Variants in ACYP2 observed in about 807,000 individuals in gnomAD.
ACYP2 encodes acylphosphatase-2.
In ACYP2, 12 loss-of-function variants were observed where a neutral mutation model predicts 11.2. The ratio of observed to expected loss-of-function variants is 1.08; its 90% CI spans 0.69 to 1.74. The LOEUF (loss-of-function observed/expected upper bound fraction) is 1.74. Among genes scored for constraint, ACYP2 ranks in the 40% most tolerant of loss-of-function variants. The pLI is 0.00. For synonymous variants in ACYP2, 43 were observed against 32.2 expected, an observed-to-expected ratio of 1.33 and a Z score of -1.13; for missense variants, 134 against 101.9, an observed-to-expected ratio of 1.31 and a Z score of -1.35.
chr2:54,040,901 C>T (rs1472685251), intron 2 of ACYP2, among the ~76,000 whole-genome samples: 1 of 151,998 alleles, frequency 6.6e-6, no homozygotes, highest in Non-Finnish European at 1.5e-5. Context: ...GTGAGGTCAA[C>T]AGAGGGTTTT....
chr2:54,050,123 A>G (rs561106735), intron 2 of ACYP2, among the ~76,000 whole-genome samples: 13 of 152,344 alleles, frequency 8.5e-5, no homozygotes, highest in Middle Eastern at 3.4e-3. Flanking sequence ...ATAAAGAATC[A>G]AATTTTTTTC....
chr2:54,004,135 C>T (rs141162828), intron 2 of ACYP2, among the ~76,000 whole-genome samples: 3 of 151,950 alleles, frequency 2.0e-5, no homozygotes, highest in South Asian at 2.1e-4. Context: ...AGACATGCGC[C>T]GCCATGCCCA....
At chr2:54,223,110 A>G (rs1013245566) in intron 6 of ACYP2, 8 of 152,184 alleles carry the variant, frequency 5.3e-5, no homozygotes, top group Non-Finnish European at 7.3e-5. Context: ...ACTCTGTCTC[A>G]TTACAAAGCA....
Position 53,980,428 on chromosome 2 carries a change from AAT to A in ACYP2, c.62+6621_62+6622del, listed in dbSNP as rs1671694331. ...ATTTAATTTATTATTGAAGAAAGAA[AAT>A]ATTGAGTCCAGGAGCTGTGGTTCAC... On this transcript the variant is annotated intron_variant, in intron 2 of 6. Coordinates refer to ENST00000607452, the MANE Select transcript of ACYP2 (RefSeq NM_001320586.2). Among the ~76,000 whole-genome samples the A allele has an allele frequency of 2.0e-5, 3 of 152,106 alleles. No homozygotes were observed. The South Asian group carries it at 6.2e-4, about 32-fold the overall frequency.
At chr2:54,010,523 G>T (rs1673301689) in intron 2 of ACYP2, among the ~76,000 whole-genome samples, 1 of 151,554 alleles carries the variant, frequency 6.6e-6, no homozygotes, top group Non-Finnish European at 1.5e-5. Context: ...ACCCTGATGG[G>T]ATTATTGTAC....
At chr2:54,079,621 A>G (rs771739292) in intron 4 of ACYP2, among the ~76,000 whole-genome samples, 2 of 152,244 alleles carry the variant, frequency 1.3e-5, no homozygotes, top group Admixed American at 6.5e-5. Context: ...ATGGAAATAA[A>G]GGAAATCCTT....
At chr2:53,972,299 A>G (rs1284672510) in intron 1 of ACYP2, among the ~76,000 whole-genome samples, 3 of 138,046 alleles carry the variant, frequency 2.2e-5, no homozygotes, top group Non-Finnish European at 4.6e-5. Flanking sequence ...AACAAGAGCG[A>G]AACTCCGTCT....
At chr2:54,204,049 C>T (rs947974380) in intron 6 of ACYP2, among the ~76,000 whole-genome samples, 32 of 152,166 alleles carry the variant, frequency 2.1e-4, no homozygotes, top group African/African-American at 7.0e-4. Flanking sequence ...GGCTGGAGTG[C>T]AGTGGCACGA....
At chr2:54,258,444 C>G (rs147604256) in intron 6 of ACYP2, among the ~76,000 whole-genome samples, 39 of 151,224 alleles carry the variant, frequency 2.6e-4, no homozygotes, top group African/African-American at 7.8e-4. Flanking sequence ...GACTGGAGCA[C>G]AGTGAATGAG....
intron 6 of ACYP2, chr2:54,141,754 C>A: frequency 2.3e-6 from 1 of 429,708 alleles, no homozygotes; most frequent in East Asian, 3.3e-5. Context: ...ATACTTTTAC[C>A]TATTTAACTG....
At chr2:54,140,034 A>T (rs1681515152) in intron 6 of ACYP2, among the ~76,000 whole-genome samples, 3 of 152,220 alleles carry the variant, frequency 2.0e-5, no homozygotes, top group African/African-American at 7.2e-5. Context: ...GTTTACGTGC[A>T]TACTTGTGTT....
intron 6 of ACYP2, among the ~76,000 whole-genome samples, chr2:54,214,909 A>G (rs929049301): frequency 3.9e-5 from 6 of 152,094 alleles, no homozygotes; most frequent in African/African-American, 9.7e-5. Context: ...ATTTGTTTGT[A>G]TCATATCTGA....
At chr2:54,081,878 C>G (rs1408405247) in intron 4 of ACYP2, among the ~76,000 whole-genome samples, 1 of 152,178 alleles carries the variant, frequency 6.6e-6, no homozygotes, top group African/African-American at 2.4e-5. Context: ...TGGCGGTTGG[C>G]TGGCTTATCA....
intron 2 of ACYP2, among the ~76,000 whole-genome samples, chr2:53,998,390 G>A (rs1672667013): frequency 6.6e-6 from 1 of 152,142 alleles, no homozygotes; most frequent in Admixed American, 6.6e-5. Context: ...GTTTGGATGG[G>A]AGATACTTGA....
At chr2:54,147,438 C>G (rs1219852629) in intron 6 of ACYP2, among the ~76,000 whole-genome samples, 1 of 152,112 alleles carries the variant, frequency 6.6e-6, no homozygotes, top group Admixed American at 6.5e-5. Flanking sequence ...TGGGGGTAAG[C>G]TGACTTGCTT....
At chr2:54,008,084 G>T (rs1277498344) in intron 2 of ACYP2, among the ~76,000 whole-genome samples, 3 of 152,176 alleles carry the variant, frequency 2.0e-5, no homozygotes, top group African/African-American at 4.8e-5. Context: ...TGCAAACGCA[G>T]TTTCACTCAC....
chr2:53,973,542 A>G (rs927868134), intron 1 of ACYP2, among the ~76,000 whole-genome samples: 24 of 152,136 alleles, frequency 1.6e-4, no homozygotes, highest in African/African-American at 4.6e-4. Context: ...AAGTTTCTTT[A>G]TAATCTCCCC....
chr2:54,192,387 T>C (rs1684274835), intron 6 of ACYP2, among the ~76,000 whole-genome samples: 1 of 152,124 alleles, frequency 6.6e-6, no homozygotes, highest in South Asian at 2.1e-4. Context: ...TTATTTTTAA[T>C]TTTTTTAAAT....
chr2:54,216,082 A>G (rs1189568410), intron 6 of ACYP2, among the ~76,000 whole-genome samples: 1 of 152,202 alleles, frequency 6.6e-6, no homozygotes, highest in East Asian at 1.9e-4. Context: ...ATGTGTTATG[A>G]GCCAGGAATC....
Sources: gnomAD v4.1 joint callset for allele counts (sites outside exome capture counted in the v4.1 genomes callset) on GRCh38, gnomAD v4.1.1 for gene constraint, MANE v1.5 for transcripts, NCBI Gene and HGNC (gene_info 2026-07-23, HGNC 2026-07-21) for gene names.